PRR16: variants seen among roughly 807,000 people sequenced by gnomAD.
PRR16 encodes protein Largen.
PRR16 carries 6 observed loss-of-function variants against 18.2 expected under a neutral mutation model. The observed-to-expected ratio is 0.33, with a 90% CI of 0.18 to 0.65. The LOEUF (loss-of-function observed/expected upper bound fraction) is 0.65. PRR16 is among the 30% of genes least tolerant of loss of function. The pLI, the probability that PRR16 is intolerant of heterozygous loss-of-function variation, is 0.74. For synonymous variants in PRR16, 151 were observed against 147.8 expected, an observed-to-expected ratio of 1.02 and a Z score of -0.16; for missense variants, 412 against 376.6, an observed-to-expected ratio of 1.09 and a Z score of -0.78.
chr5:120,551,840 G>T (rs1752264467), intron 1 of PRR16, among the ~76,000 whole-genome samples: 1 of 151,904 alleles, frequency 6.6e-6, no homozygotes, highest in South Asian at 2.1e-4. Context: ...GTAGAACAGG[G>T]TCTCTTGCTA....
intron 1 of PRR16, among the ~76,000 whole-genome samples, chr5:120,475,391 C>T (rs894104374): frequency 1.3e-5 from 2 of 152,034 alleles, no homozygotes; most frequent in African/African-American, 4.8e-5. Flanking sequence ...ATCCTTTCTC[C>T]TCTACTTTCT....
At chr5:120,748,849 A>C in the PRR16 span, among the ~76,000 whole-genome samples, 1 of 152,178 alleles carries the variant, frequency 6.6e-6, no homozygotes, top group African/African-American at 2.4e-5. Flanking sequence ...AGCGTGCAGC[A>C]ATCTAGAAAC....
chr5:120,653,844 A>G (rs891563020), intron 1 of PRR16, among the ~76,000 whole-genome samples: 6 of 152,004 alleles, frequency 3.9e-5, no homozygotes, highest in African/African-American at 1.4e-4. Flanking sequence ...ATGACCTTTT[A>G]AAAGTGAGTA....
chr5:120,617,497 C>A (rs761102633), intron 1 of PRR16, among the ~76,000 whole-genome samples: 1 of 152,036 alleles, frequency 6.6e-6, no homozygotes, highest in Admixed American at 6.6e-5. Flanking sequence ...ATTTTTAAGG[C>A]TCCAAAAATA....
intron 1 of PRR16, among the ~76,000 whole-genome samples, chr5:120,526,614 T>C (rs1205542095): frequency 3.3e-5 from 5 of 152,160 alleles, no homozygotes; most frequent in African/African-American, 1.2e-4. Context: ...AACTCTGCTC[T>C]CTACCAGAGA....
the PRR16 span, among the ~76,000 whole-genome samples, chr5:120,783,422 GC>G: frequency 2.6e-5 from 4 of 151,930 alleles, no homozygotes; most frequent in East Asian, 7.7e-4. Context: ...TGATACATGG[GC>G]AGAAAGTAGA....
intron 1 of PRR16, among the ~76,000 whole-genome samples, chr5:120,537,353 A>G (rs1383940297): frequency 3.3e-5 from 5 of 152,186 alleles, no homozygotes; most frequent in African/African-American, 4.8e-5. Context: ...CACTTTTGGA[A>G]GAGGTGTTAT....
intron 1 of PRR16, among the ~76,000 whole-genome samples, chr5:120,662,719 G>A (rs952895562): frequency 6.6e-6 from 1 of 152,066 alleles, no homozygotes; most frequent in Admixed American, 6.6e-5. Flanking sequence ...TGAAAAGTGT[G>A]GTAACTTTTC....
At chr5:120,773,966 T>G in the PRR16 span, among the ~76,000 whole-genome samples, 1 of 152,140 alleles carries the variant, frequency 6.6e-6, no homozygotes, top group South Asian at 2.1e-4. Flanking sequence ...ATTCCGTAGC[T>G]TGCAGATTAC....
chr5:120,590,783 T>C (rs1753608312), intron 1 of PRR16, among the ~76,000 whole-genome samples: 1 of 152,096 alleles, frequency 6.6e-6, no homozygotes, highest in Non-Finnish European at 1.5e-5. Flanking sequence ...AAAGTCAAGC[T>C]CCTATCTCAT....
intron 1 of PRR16, chr5:120,481,159 T>G: frequency 8.9e-7 from 1 of 1,124,260 alleles, no homozygotes. Context: ...ATTTTATTTT[T>G]TTTTTGGAGA....
the PRR16 span, among the ~76,000 whole-genome samples, chr5:120,774,229 C>T: frequency 3.2e-4 from 49 of 152,124 alleles, no homozygotes; most frequent in East Asian, 8.5e-3. Flanking sequence ...TCTTAGCTAC[C>T]TATGGAGAAG....
intron 1 of PRR16, among the ~76,000 whole-genome samples, chr5:120,503,124 G>A (rs1252380524): frequency 6.6e-6 from 1 of 152,038 alleles, no homozygotes; most frequent in Non-Finnish European, 1.5e-5. Context: ...ATCAAAGAAA[G>A]TTTAAGAATA....
chr5:120,695,343 T>A, the PRR16 span, among the ~76,000 whole-genome samples: 1 of 152,232 alleles, frequency 6.6e-6, no homozygotes, highest in Non-Finnish European at 1.5e-5. Context: ...CTCCTCCATA[T>A]GACTTCTCAA....
intron 1 of PRR16, among the ~76,000 whole-genome samples, chr5:120,662,813 A>G (rs1756221761): frequency 1.3e-5 from 2 of 152,080 alleles, no homozygotes; most frequent in South Asian, 2.1e-4. Flanking sequence ...CATTCCAGAC[A>G]CAGTCCTATA....
At chr5:120,662,186 T>A (rs144292967) in intron 1 of PRR16, among the ~76,000 whole-genome samples, 15 of 152,288 alleles carry the variant, frequency 9.8e-5, no homozygotes, top group Non-Finnish European at 1.9e-4. Flanking sequence ...GGTGACAGGA[T>A]AGAATATGTA....
chr5:120,576,118 A>T (rs1227982095), intron 1 of PRR16, among the ~76,000 whole-genome samples: 3 of 152,138 alleles, frequency 2.0e-5, no homozygotes, highest in African/African-American at 4.8e-5. Flanking sequence ...CTAGGCAAAG[A>T]TTTTTTTCGA....
chr5:120,671,282 C>T (rs191473943), intron 1 of PRR16, among the ~76,000 whole-genome samples: 1 of 152,118 alleles, frequency 6.6e-6, no homozygotes, highest in East Asian at 1.9e-4. Flanking sequence ...ATCAGAGTTT[C>T]TTTTTTTCTT....
chr5:120,598,249 A>G (rs1753875874), intron 1 of PRR16, among the ~76,000 whole-genome samples: 1 of 151,788 alleles, frequency 6.6e-6, no homozygotes, highest in African/African-American at 2.4e-5. Flanking sequence ...ACATTAATGT[A>G]GCAATCCTCT....
Sources: allele counts gnomAD v4.1 joint callset (sites outside exome capture counted in the v4.1 genomes callset), GRCh38; gene constraint gnomAD v4.1.1; transcripts MANE v1.5; gene names NCBI Gene and HGNC (gene_info 2026-07-23, HGNC 2026-07-21).